MICAL3: variants seen among roughly 807,000 people sequenced by gnomAD.
MICAL3 encodes the protein microtubule associated monooxygenase, calponin and LIM domain containing 3, also known as [F-actin]-monooxygenase MICAL3.
A neutral mutation model predicts 207.4 loss-of-function variants in MICAL3; 62 were observed. The ratio of observed to expected loss-of-function variants is 0.30; its 90% confidence interval spans 0.24 to 0.37. The LOEUF (loss-of-function observed/expected upper bound fraction) is 0.37, where lower values mean the gene tolerates loss of function less well. MICAL3 is among the 10% of genes least tolerant of loss of function. The pLI is 1.00. For missense variants in MICAL3, 2,368 were observed against 2,635.6 expected, an observed-to-expected ratio of 0.90 and a Z score of 2.22; for synonymous variants, 1,077 against 1,069.3, an observed-to-expected ratio of 1.01 and a Z score of -0.14.
Position 17,841,172 on chromosome 22 carries a change from T to A in MICAL3, c.2801+650A>T, listed in dbSNP as rs1366835572. The A allele has an allele frequency of 1.3e-5, 2 of 152,744 alleles. No individual in the cohort carries two copies. Among genetic ancestry groups the A allele is most frequent in the Non-Finnish European group, 2.9e-5 (2 of 68,460 alleles). 9.5% of individuals were successfully genotyped at this position (152,744 alleles called of 1,614,324 possible). On this transcript the variant is annotated intron_variant, in intron 20 of 31. Coordinates refer to ENST00000441493, the MANE Select transcript of MICAL3 (RefSeq NM_015241.3). The surrounding 1 kb of genome is among the most constrained non-coding windows in gnomAD (Gnocchi z 4.2). ...ACAGGACACCGGACCCCCTTTTGATTCTTGGCTCTCTTGATCATCTGTAAT... is the reference window on the plus strand; with the variant it reads ...ACAGGACACCGGACCCCCTTTTGATACTTGGCTCTCTTGATCATCTGTAAT...
chr22:17,995,231 C>T (rs1922138119), intron 1 of MICAL3, among the ~76,000 whole-genome samples: 1 of 152,108 alleles, frequency 6.6e-6, no homozygotes, highest in South Asian at 2.1e-4. Context: ...GACTGGAATG[C>T]AGTGGTGTGA....
At chr22:17,888,765 G>C (rs913822554) in intron 13 of MICAL3, among the ~76,000 whole-genome samples, 9 of 152,344 alleles carry the variant, frequency 5.9e-5, no homozygotes, top group Admixed American at 5.2e-4. Context: ...AGCACTAGAA[G>C]GTGGTGGTCA....
intron 29 of MICAL3, among the ~76,000 whole-genome samples, chr22:17,805,093 G>A (rs564901886): frequency 2.6e-5 from 4 of 152,338 alleles, no homozygotes; most frequent in South Asian, 4.1e-4. Flanking sequence ...GCCCTCAGAC[G>A]GTGATGGAAG....
intron 16 of MICAL3, among the ~76,000 whole-genome samples, chr22:17,876,114 C>CTGAA (rs914970106): frequency 4.6e-5 from 7 of 152,138 alleles, no homozygotes; most frequent in African/African-American, 1.4e-4. Flanking sequence ...AAAGAGCCAG[C>CTGAA]TGAATCCCAA....
At chr22:17,986,951 C>A (rs1015336516) in intron 1 of MICAL3, among the ~76,000 whole-genome samples, 1 of 152,052 alleles carries the variant, frequency 6.6e-6, no homozygotes, top group African/African-American at 2.4e-5. Flanking sequence ...CTGGAAGAAT[C>A]ATTTTCGACT....
chr22:17,806,751 G>A (rs776184749), intron 29 of MICAL3, among the ~76,000 whole-genome samples: 2 of 137,604 alleles, frequency 1.5e-5, no homozygotes, highest in Non-Finnish European at 3.1e-5. Flanking sequence ...TGTGAAAAGA[G>A]GTCTGCTGCT....
intron 1 of MICAL3, among the ~76,000 whole-genome samples, chr22:17,953,930 CAAAAAA>C (rs59740388): frequency 0.011 from 949 of 86,324 alleles, 4 homozygotes; most frequent in African/African-American, 0.018. Flanking sequence ...GACTCCATCT[CAAAAAA>C]AAAAAAAAAA....
chr22:17,981,631 A>G (rs147418380), intron 1 of MICAL3, among the ~76,000 whole-genome samples: 16 of 152,314 alleles, frequency 1.1e-4, no homozygotes, highest in African/African-American at 3.4e-4. Flanking sequence ...AGCCCCCAAC[A>G]TGACATGTGA....
intron 7 of MICAL3, among the ~76,000 whole-genome samples, chr22:17,898,582 A>C (rs535033686): frequency 4.0e-4 from 61 of 152,366 alleles, no homozygotes; most frequent in African/African-American, 1.4e-3. Flanking sequence ...GGACTCCCTG[A>C]AATTCAGCTG....
chr22:17,983,514 G>A (rs888694627), intron 1 of MICAL3: 3 of 152,246 alleles, frequency 2.0e-5, no homozygotes, highest in Non-Finnish European at 4.4e-5. Flanking sequence ...CCCAAGGATG[G>A]AGACCGGCAG....
At chr22:17,905,504 G>C (rs1931648420) in intron 2 of MICAL3, among the ~76,000 whole-genome samples, 1 of 152,198 alleles carries the variant, frequency 6.6e-6, no homozygotes, top group Non-Finnish European at 1.5e-5. Context: ...TTTTGGCTTT[G>C]TTTTTGTTTT....
At chr22:17,944,336 T>C (rs1933954128) in intron 1 of MICAL3, among the ~76,000 whole-genome samples, 1 of 152,128 alleles carries the variant, frequency 6.6e-6, no homozygotes, top group Non-Finnish European at 1.5e-5. Flanking sequence ...GGTTAGAATA[T>C]GCAAGGAGAG....
At position 17,832,014 on chromosome 22, in the gene MICAL3, C is replaced by G. The variant is rs1235939754; in HGVS notation, c.2895G>C (p.Glu965Asp). 1 of 1,606,578 alleles carries G rather than the reference C, an allele frequency of 6.2e-7. No homozygotes were observed. Among genetic ancestry groups the G allele is most frequent in the South Asian group, 1.1e-5 (1 of 89,452 alleles). Reference sequence around the variant, plus strand: ...TCAGAAGGGCATGGATCCGCACGGCCTCCTTCCACGGAACACCACCCAGGT... The same window carrying G: ...TCAGAAGGGCATGGATCCGCACGGCGTCCTTCCACGGAACACCACCCAGGT... ...PSDLGGVPWK[E>D]AVRIHALLKG... The change falls in exon 21 of 32, where the codon GAG becomes GAC. Residue 965 changes from glutamate (E) to aspartate (D), a missense_variant. By Grantham distance (45) the Glu-to-Asp change is conservative. This residue lies in a region of MICAL3 where 1,770 missense variants were observed against 1,863.2 expected (regional missense o/e 0.95). Coordinates refer to ENST00000441493, the MANE Select transcript of MICAL3 (RefSeq NM_015241.3).
rs188003549 is a variant in MICAL3, at chr22:17,799,211, C to T, written c.5651-7910G>A. On this transcript the variant is annotated intron_variant, in intron 29 of 31. Transcript: ENST00000441493. ...CAGGCTGGCCAACATGGTGAAACCCCGTCTCTACTAAAAACACAAAATTAG... is the reference window on the plus strand; with the variant it reads ...CAGGCTGGCCAACATGGTGAAACCCTGTCTCTACTAAAAACACAAAATTAG... 3.3e-5 allele frequency among the ~76,000 whole-genome samples: 5 copies of T among 152,124 alleles called. 1 individual carries two copies. The highest frequency in any genetic ancestry group is 4.2e-4 in the South Asian group (2 of 4,814).
chr22:17,968,269 T>C (rs1378995686), intron 1 of MICAL3, among the ~76,000 whole-genome samples: 1 of 152,008 alleles, frequency 6.6e-6, no homozygotes, highest in Admixed American at 6.6e-5. Context: ...GCCCTGCCTC[T>C]GTGGAAGCGT....
At chr22:17,824,106 A>G (rs980819449) in intron 22 of MICAL3, among the ~76,000 whole-genome samples, 1 of 151,888 alleles carries the variant, frequency 6.6e-6, no homozygotes, top group Non-Finnish European at 1.5e-5. Context: ...CCCACCTCCC[A>G]CACTCCGAAC....
At chr22:17,991,848 A>G (rs1921718023) in intron 1 of MICAL3, among the ~76,000 whole-genome samples, 1 of 152,102 alleles carries the variant, frequency 6.6e-6, no homozygotes, top group Admixed American at 6.5e-5. Context: ...CTTCAGGGAG[A>G]TGGAGGAATG....
In MICAL3 at chr22:17,816,741, G is replaced by T. The variant is rs1335282820; in HGVS notation, c.5394C>A (p.Asp1798Glu). ...RRQLSFSEDSDLSSDDVLEKS... is the reference protein window; with the variant it reads ...RRQLSFSEDSELSSDDVLEKS... Reference sequence around the variant, plus strand: ...TCTCAAGGACATCGTCGCTGGAGAGGTCTGAGTCCTCGGAGAAGCTCAGCT... The same window carrying T: ...TCTCAAGGACATCGTCGCTGGAGAGTTCTGAGTCCTCGGAGAAGCTCAGCT... The change falls in exon 27 of 32, where the codon GAC becomes GAA. Residue 1798 changes from aspartate to glutamate, a missense_variant. Around this residue, in one of 4 missense-constraint regions of MICAL3, gnomAD observed 1,770 missense variants for 1,863.2 expected, o/e 0.95. Transcript: ENST00000441493. 1.3e-6 allele frequency: 2 copies of T among 1,552,192 alleles called. No homozygotes were observed. The highest frequency in any genetic ancestry group is 2.7e-5 in the African/African-American group (2 of 73,100).
At chr22:17,983,494 C>T (rs897458993) in intron 1 of MICAL3, 2 of 146,554 alleles carry the variant, frequency 1.4e-5, no homozygotes, top group African/African-American at 2.6e-5. Context: ...CATGACAGAA[C>T]CCTGTGCGCC....
Sources: gnomAD v4.1 joint callset for allele counts (sites outside exome capture counted in the v4.1 genomes callset) on GRCh38, gnomAD v4.1.1 for gene constraint, gnomAD v4.1.1 regional missense constraint, Gnocchi (gnomAD v3.1) non-coding constraint, MANE v1.5 for transcripts, NCBI Gene and HGNC (gene_info 2026-07-23, HGNC 2026-07-21) for gene names.